ARHGEF40: variants seen among roughly 807,000 people sequenced by gnomAD.
ARHGEF40 encodes Rho guanine nucleotide exchange factor 40, also known as Rho guanine nucleotide exchange factor (GEF) 40.
A neutral mutation model predicts 165.9 loss-of-function variants in ARHGEF40; 98 were observed. That is an observed-to-expected ratio of 0.59 (90% CI 0.50 to 0.70). ARHGEF40 has a LOEUF of 0.70. Ranked by LOEUF, ARHGEF40 falls within the 30% of genes least tolerant of loss-of-function variation. The pLI is 0.00. For missense variants in ARHGEF40, 1,815 were observed against 1,968.0 expected (o/e 0.92, Z 1.47); for synonymous variants, 792 against 814.3 (o/e 0.97, Z 0.47).
chr14:21,069,556 C>T (rs1165096373), upstream of ARHGEF40, among the ~76,000 whole-genome samples: 4 of 152,234 alleles, frequency 2.6e-5, no homozygotes, highest in Non-Finnish European at 4.4e-5. Context: ...CATCCCGATC[C>T]GGGAACCCTG....
chr14:21,075,504 G>T lies in ARHGEF40; in HGVS notation c.1618+5G>T. The T allele has an allele frequency of 6.2e-7, 1 of 1,614,206 alleles. No individual in the cohort carries two copies. Among genetic ancestry groups the T allele is most frequent in the Non-Finnish European group, 8.5e-7 (1 of 1,180,040 alleles). On this transcript the variant is annotated splice_donor_5th_base_variant and intron_variant, in intron 4 of 23. Transcript: ENST00000298694. The surrounding 1 kb of genome is among the most constrained non-coding windows in gnomAD (Gnocchi z 4.5). Reference sequence around the variant, plus strand: ...CTGGATTCCTCATCCTGACGGGTCAGTGGGCATCAGTGGGTGAAGGGAAAC... The same window carrying T: ...CTGGATTCCTCATCCTGACGGGTCATTGGGCATCAGTGGGTGAAGGGAAAC...
chr14:21,082,677 C>G (rs967042199), intron 15 of ARHGEF40, among the ~76,000 whole-genome samples, 154 bp from the exon 16 acceptor site: 5 of 152,248 alleles, frequency 3.3e-5, no homozygotes, highest in African/African-American at 7.2e-5. Flanking sequence ...GGACTATGCT[C>G]TCTCCACAGG....
At position 21,083,384 on chromosome 14, in the gene ARHGEF40, C is replaced by CAAA. The variant is rs59831663; in HGVS notation, c.3574-437_3574-435dup. Reference sequence around the variant, plus strand: ...TGAAACCCCATCTCTACTAGAAATACAAAAAAAAAAAAAAAATTAGCCAGG... The same window carrying CAAA: ...TGAAACCCCATCTCTACTAGAAATACAAAAAAAAAAAAAAAAAAATTAGCCAGG... On this transcript the variant is annotated intron_variant, in intron 16 of 23. Coordinates refer to ENST00000298694, the MANE Select transcript of ARHGEF40 (RefSeq NM_018071.5). Among the ~76,000 whole-genome samples the CAAA allele has an allele frequency of 3.9e-5, 5 of 128,048 alleles. No individual in the cohort carries two copies. The South Asian group carries it at 9.8e-4, about 25-fold the overall frequency. The allele number at this position is 128,048 out of a possible 152,430, so 84.0% of individuals were successfully genotyped here. A position where few individuals can be genotyped will look rare whatever the true frequency, so the allele number is the denominator to read the frequency against.
At chr14:21,082,719 C>T (rs933509415) in intron 15 of ARHGEF40, 112 bp from the exon 16 acceptor site, 19 of 1,194,118 alleles carry the variant, frequency 1.6e-5, no homozygotes, top group Middle Eastern at 5.7e-4. Context: ...GCTGAGTGCT[C>T]CCTGGTGACC....
chr14:21,082,859 A>T lies in ARHGEF40; in HGVS notation c.3515A>T (p.Tyr1172Phe). The stretch of plus-strand genomic sequence containing the variant: ...GACCAGTTCAGCCTTTATGCACAGT[A>T]CGTGAAGCACCGACACAAACTGGAG... Reference protein sequence around the residue: ...HGDQFSLYAQYVKHRHKLENG... With the variant: ...HGDQFSLYAQFVKHRHKLENG... Residue 1172 changes from tyrosine (Y) to phenylalanine (F), a missense_variant, in exon 16 of 24, where the codon TAC (tyrosine) becomes TTC (phenylalanine). Tyr to Phe is a conservative substitution (Grantham distance 22, BLOSUM62 3). Transcript: ENST00000298694. The T allele has an allele frequency of 6.2e-7, 1 of 1,614,216 alleles. No individual in the cohort carries two copies. The highest frequency in any genetic ancestry group is 1.1e-5 in the South Asian group (1 of 91,090).
chr14:21,084,026 C>G lies in ARHGEF40; in HGVS notation c.3765C>G (p.Ala1255=). The change falls in exon 17 of 24, where the codon GCC becomes GCG. Residue 1255 remains alanine, a synonymous_variant. Coordinates refer to ENST00000298694, the MANE Select transcript of ARHGEF40 (RefSeq NM_018071.5). ...EQEARGRDLL[A]VEAVRGCEID... ...AGGCCCGTGGCAGAGACCTGCTGGC[C>G]GTGGAGGCGGTGCGTGGCTGTGAGG... 1.9e-6 allele frequency: 3 copies of G among 1,610,418 alleles called. No homozygotes were observed.
At chr14:21,064,729 G>A in the ARHGEF40 span, among the ~76,000 whole-genome samples, 1 of 152,232 alleles carries the variant, frequency 6.6e-6, no homozygotes, top group Non-Finnish European at 1.5e-5. Flanking sequence ...ACAACTACAT[G>A]AAAGAGTTTC....
chr14:21,080,235 CA>C (rs879806237), intron 11 of ARHGEF40, among the ~76,000 whole-genome samples: 13,513 of 143,956 alleles, frequency 0.094, 662 homozygotes, highest in South Asian at 0.14. Context: ...CACACACACA[CA>C]CACACACACA....
At chr14:21,085,444 A>G (rs1239961664) in intron 18 of ARHGEF40, among the ~76,000 whole-genome samples, 2 of 152,248 alleles carry the variant, frequency 1.3e-5, no homozygotes, top group African/African-American at 2.4e-5. Context: ...CCTGGATCCA[A>G]TTCCGGCTCT....
rs1474469629 is a variant in ARHGEF40 at position 21,080,655 on chromosome 14, C to G, written c.2374-5C>G. 1.2e-6 allele frequency: 2 copies of G among 1,609,162 alleles called. No individual in the cohort carries two copies. The highest frequency in any genetic ancestry group is 2.2e-5 in the South Asian group (2 of 90,566). ...CCCCCTGCCCTCCCACCCCATCTGC[C>G]TCAGGTGTTGCAGTGGCTCTCGGGC... On this transcript the variant is annotated splice_region_variant and splice_polypyrimidine_tract_variant and intron_variant, in intron 11 of 23. Coordinates refer to ENST00000298694, the MANE Select transcript of ARHGEF40 (RefSeq NM_018071.5).
the ARHGEF40 span, among the ~76,000 whole-genome samples, chr14:21,063,953 T>C: frequency 1.3e-5 from 2 of 152,242 alleles, no homozygotes; most frequent in Non-Finnish European, 2.9e-5. Flanking sequence ...TCTGCTTCTT[T>C]ATAACTGCAA....
At chr14:21,064,886 C>T in the ARHGEF40 span, among the ~76,000 whole-genome samples, 3 of 152,020 alleles carry the variant, frequency 2.0e-5, no homozygotes, top group Non-Finnish European at 2.9e-5. Context: ...AATTCTGTCC[C>T]GTGGCCGGGC....
Position 21,072,522 on chromosome 14 carries a change from T to G in ARHGEF40, c.4-523T>G, listed in dbSNP as rs1404855640. On this transcript the variant is annotated intron_variant, in intron 1 of 23. Coordinates refer to ENST00000298694, the MANE Select transcript of ARHGEF40 (RefSeq NM_018071.5). The surrounding 1 kb of genome is among the most constrained non-coding windows in gnomAD (Gnocchi z 4.1). ...CAAATGACCATCTCTAGCATATAAA[T>G]GAGCATCTCTCTTTCACCAAATGAT... Among the ~76,000 whole-genome samples the G allele has an allele frequency of 6.6e-6, 1 of 152,074 alleles. No homozygotes were observed. Among genetic ancestry groups the G allele is most frequent in the Non-Finnish European group, 1.5e-5 (1 of 67,978 alleles).
chr14:21,070,073 A>G (rs1256843979), upstream of ARHGEF40, among the ~76,000 whole-genome samples: 1 of 151,902 alleles, frequency 6.6e-6, no homozygotes, highest in Non-Finnish European at 1.5e-5. This position sits in a 1 kb window ranked among gnomAD's most constrained non-coding sequence, Gnocchi z 4.7. Flanking sequence ...GGGGCGGAGA[A>G]GAAAGAAGGT....
Position 21,083,862 on chromosome 14 carries a change from C to T in ARHGEF40, c.3601C>T (p.Pro1201Ser), listed in dbSNP as rs558746378. ...KGSMEAGPYL[P>S]RALQQPLEQL... Reference sequence around the variant, plus strand: ...CTCCATGGAGGCTGGCCCTTACCTGCCCCGAGCCCTGCAGCAGCCTCTGGA... The same window carrying T: ...CTCCATGGAGGCTGGCCCTTACCTGTCCCGAGCCCTGCAGCAGCCTCTGGA... Residue 1201 changes from proline to serine, a missense_variant, in exon 17 of 24, where the codon CCC (proline) becomes TCC (serine). Physicochemically the swap from Pro to Ser is moderately conservative, Grantham distance 74 (BLOSUM62 -1). Coordinates refer to ENST00000298694, the MANE Select transcript of ARHGEF40 (RefSeq NM_018071.5). 1 of 1,613,918 alleles carries T rather than the reference C, an allele frequency of 6.2e-7. No individual in the cohort carries two copies. The highest frequency in any genetic ancestry group is 2.2e-5 in the East Asian group (1 of 44,866).
chr14:21,070,269 C>A (rs1051254593), upstream of ARHGEF40: 2 of 1,040,528 alleles, frequency 1.9e-6, no homozygotes, highest in Non-Finnish European at 2.4e-6. The surrounding 1 kb of genome is among the most constrained non-coding windows in gnomAD (Gnocchi z 4.7). Flanking sequence ...CGGAGCGGGC[C>A]GAGCCGCCAC....
chr14:21,081,404 T>G, intron 13 of ARHGEF40, 105 bp from the exon 14 acceptor site: 2 of 1,469,022 alleles, frequency 1.4e-6, no homozygotes, highest in East Asian at 4.6e-5. Context: ...TGACGGGCAT[T>G]GGGAGGCCAC....
chr14:21,082,553 C>T, intron 15 of ARHGEF40, 75 bp downstream of exon 15: 5 of 1,435,582 alleles, frequency 3.5e-6, no homozygotes, highest in Non-Finnish European at 4.6e-6. Context: ...CCCTCTTTCT[C>T]AGTACCCACG....
At position 21,081,588 on chromosome 14, in the gene ARHGEF40, C is replaced by G; in HGVS notation, c.2720C>G (p.Ala907Gly). ...PGREAVLAAL[A>G]LRRAPEPSAG... ...CGGGAGGCTGTGCTGGCTGCACTGG[C>G]CCTGCGGCGGGCCCCAGAGCCCAGT... The change falls in exon 14 of 24, where the codon GCC (alanine) becomes GGC (glycine). Residue 907 changes from alanine to glycine, a missense_variant. Coordinates refer to ENST00000298694, the MANE Select transcript of ARHGEF40 (RefSeq NM_018071.5). The G allele has an allele frequency of 6.2e-7, 1 of 1,611,868 alleles. No homozygotes were observed. Among genetic ancestry groups the G allele is most frequent in the Non-Finnish European group, 8.5e-7 (1 of 1,179,510 alleles).
Sources: allele counts gnomAD v4.1 joint callset (sites outside exome capture counted in the v4.1 genomes callset), GRCh38; gene constraint gnomAD v4.1.1; non-coding constraint Gnocchi (gnomAD v3.1); transcripts MANE v1.5; gene names NCBI Gene and HGNC (gene_info 2026-07-23, HGNC 2026-07-21).